Variants in ITGA8 observed in about 807,000 individuals in gnomAD.
ITGA8 encodes the protein integrin alpha-8.
In ITGA8, 91 loss-of-function variants were observed where a neutral mutation model predicts 142.3. The observed-to-expected ratio is 0.64, with a 90% CI of 0.54 to 0.76. The LOEUF is 0.76. ITGA8 is among the 30% of genes least tolerant of loss of function. The pLI, the probability that ITGA8 is intolerant of heterozygous loss-of-function variation, is 0.00. For missense variants in ITGA8, 1,406 were observed against 1,327.7 expected, an observed-to-expected ratio of 1.06 and a Z score of -0.92; for synonymous variants, 505 against 485.2, an observed-to-expected ratio of 1.04 and a Z score of -0.54.
intron 13 of ITGA8, among the ~76,000 whole-genome samples, chr10:15,626,126 C>T (rs2131628736): frequency 6.6e-6 from 1 of 152,326 alleles, no homozygotes; most frequent in South Asian, 2.1e-4. Context: ...AAATGTCACA[C>T]CTGGTCCAAC....
chr10:15,651,525 T>C (rs961280224), intron 11 of ITGA8, among the ~76,000 whole-genome samples: 2 of 152,154 alleles, frequency 1.3e-5, no homozygotes, highest in African/African-American at 2.4e-5. Context: ...TGGTCACTTA[T>C]TGACAGTTTT....
intron 20 of ITGA8, among the ~76,000 whole-genome samples, chr10:15,599,794 G>A (rs979128424): frequency 5.3e-5 from 8 of 152,236 alleles, no homozygotes; most frequent in African/African-American, 1.7e-4. Context: ...GGTGGCTGGC[G>A]CCTGTAATCC....
chr10:15,711,644 A>T lies in ITGA8; in HGVS notation c.343+7122T>A, dbSNP rs558124441. 1.1e-4 allele frequency among the ~76,000 whole-genome samples: 16 copies of T among 152,142 alleles called. No individual in the cohort carries two copies. The South Asian group carries it at 3.1e-3, about 30-fold the overall frequency. On this transcript the variant is annotated intron_variant, in intron 2 of 29. Transcript: ENST00000378076. ...CCACAATCAAGATATAGAAAGTTCC[A>T]TCAACCTCCCCCCCAAAAGATTCCC...
intron 13 of ITGA8, among the ~76,000 whole-genome samples, chr10:15,620,647 G>A (rs56130543): frequency 1.3e-5 from 2 of 152,236 alleles, no homozygotes; most frequent in Non-Finnish European, 2.9e-5. Flanking sequence ...AGAGCCAGAA[G>A]TACTTATGCT....
At chr10:15,713,632 C>T (rs948075004) in intron 2 of ITGA8, among the ~76,000 whole-genome samples, 3 of 152,116 alleles carry the variant, frequency 2.0e-5, no homozygotes, top group African/African-American at 7.2e-5. Context: ...TCCCAACCCT[C>T]ACATGAGAAA....
intron 13 of ITGA8, among the ~76,000 whole-genome samples, chr10:15,620,633 A>G (rs564454100): frequency 1.5e-4 from 23 of 152,374 alleles, no homozygotes; most frequent in African/African-American, 5.0e-4. Flanking sequence ...TATGCCTGCT[A>G]GAAAGAGCCA....
chr10:15,635,974 G>C (rs1410505665), intron 13 of ITGA8, among the ~76,000 whole-genome samples: 3 of 148,188 alleles, frequency 2.0e-5, no homozygotes, highest in African/African-American at 7.4e-5. Context: ...TCATTGAAAA[G>C]ATAATGGGTT....
rs7477506 is a variant in ITGA8 at position 15,575,962 on chromosome 10, T to A, written c.2373-368A>T. 2.0e-3 allele frequency among the ~76,000 whole-genome samples: 283 copies of A among 138,136 alleles called. 2 individuals carry two copies. Among genetic ancestry groups the A allele is most frequent in the African/African-American group, 4.7e-3 (159 of 33,832 alleles). The allele number at this position is 138,136 out of a possible 152,430, so 90.6% of individuals were successfully genotyped here. A position where few individuals can be genotyped will look rare whatever the true frequency, so the allele number is the denominator to read the frequency against. On this transcript the variant is annotated intron_variant, in intron 23 of 29. Coordinates refer to ENST00000378076, the MANE Select transcript of ITGA8 (RefSeq NM_003638.3). Reference sequence around the variant, plus strand: ...GAACGTGTGTGTGTGTGTGTGTGTGTGAGTGTGTGTGTGTGTGTGTATGGG... The same window carrying A: ...GAACGTGTGTGTGTGTGTGTGTGTGAGAGTGTGTGTGTGTGTGTGTATGGG...
intron 27 of ITGA8, among the ~76,000 whole-genome samples, chr10:15,547,941 C>T (rs1214823471): frequency 6.6e-6 from 1 of 152,130 alleles, no homozygotes; most frequent in Non-Finnish European, 1.5e-5. Context: ...CTTAGGGACT[C>T]AGGATGTTTA....
chr10:15,580,523 A>G (rs146163040), intron 23 of ITGA8, among the ~76,000 whole-genome samples: 1 of 152,284 alleles, frequency 6.6e-6, no homozygotes, highest in African/African-American at 2.4e-5. Context: ...TAGATGTAAA[A>G]GTCACTAACA....
intron 2 of ITGA8, among the ~76,000 whole-genome samples, chr10:15,700,309 T>C (rs931210507): frequency 2.0e-5 from 3 of 152,182 alleles, no homozygotes; most frequent in Admixed American, 1.3e-4. Flanking sequence ...TGGCCCCTGA[T>C]TGCTTCTCCA....
intron 6 of ITGA8, among the ~76,000 whole-genome samples, chr10:15,676,222 G>C (rs901070149): frequency 6.6e-6 from 1 of 152,110 alleles, no homozygotes; most frequent in African/African-American, 2.4e-5. Flanking sequence ...GTACTCCTAC[G>C]TAAGGTCCAG....
chr10:15,559,135 A>T (rs1833933201), intron 25 of ITGA8, among the ~76,000 whole-genome samples: 1 of 152,136 alleles, frequency 6.6e-6, no homozygotes, highest in Admixed American at 6.5e-5. Flanking sequence ...TGTCATGAAA[A>T]CCTGGAAAAA....
chr10:15,615,689 T>C (rs1833378741), intron 14 of ITGA8, among the ~76,000 whole-genome samples: 1 of 152,148 alleles, frequency 6.6e-6, no homozygotes, highest in Admixed American at 6.5e-5. Flanking sequence ...AATTTTTGTA[T>C]TTTAAGTAGA....
intron 28 of ITGA8, among the ~76,000 whole-genome samples, chr10:15,520,404 C>G (rs971254177): frequency 6.6e-6 from 1 of 152,196 alleles, no homozygotes; most frequent in Non-Finnish European, 1.5e-5. Context: ...CAGGGTGACA[C>G]TCTTCTTTCT....
At chr10:15,623,489 C>T (rs1208664142) in intron 13 of ITGA8, among the ~76,000 whole-genome samples, 1 of 152,128 alleles carries the variant, frequency 6.6e-6, no homozygotes, top group Non-Finnish European at 1.5e-5. Context: ...AGTTCAAGAC[C>T]TGCCTGACCA....
chr10:15,680,416 T>C (rs1481892163), intron 4 of ITGA8, among the ~76,000 whole-genome samples: 1 of 151,954 alleles, frequency 6.6e-6, no homozygotes, highest in Non-Finnish European at 1.5e-5. Flanking sequence ...AATTTGTTCC[T>C]TATTTTACCG....
chr10:15,698,000 C>A (rs984594865), intron 2 of ITGA8, among the ~76,000 whole-genome samples: 1 of 152,138 alleles, frequency 6.6e-6, no homozygotes, highest in Non-Finnish European at 1.5e-5. Flanking sequence ...GATTTTGGTG[C>A]ACCCATCACC....
chr10:15,626,472 G>T (rs989391931), intron 13 of ITGA8, among the ~76,000 whole-genome samples: 5 of 152,094 alleles, frequency 3.3e-5, no homozygotes, highest in Non-Finnish European at 7.4e-5. Flanking sequence ...TCCCACCTTG[G>T]CCTCCCAAAG....
Sources: allele counts gnomAD v4.1 joint callset (sites outside exome capture counted in the v4.1 genomes callset), GRCh38; gene constraint gnomAD v4.1.1; transcripts MANE v1.5; gene names NCBI Gene and HGNC (gene_info 2026-07-23, HGNC 2026-07-21).